CDH18: variants seen among roughly 807,000 people sequenced by gnomAD.
CDH18 encodes the protein cadherin-18.
A neutral mutation model predicts 67.9 loss-of-function variants in CDH18; 31 were observed. The ratio of observed to expected loss-of-function variants is 0.46; its 90% CI spans 0.34 to 0.62. CDH18 has a LOEUF of 0.62. Among genes scored for constraint, CDH18 ranks in the 20% least tolerant of loss-of-function variants. The pLI is 0.01. For missense variants in CDH18, 890 were observed against 975.5 expected (o/e 0.91, Z 1.17); for synonymous variants, 362 against 347.2 (o/e 1.04, Z -0.48).
At chr5:20,256,173 G>T (rs1381430073) in intron 1 of CDH18, among the ~76,000 whole-genome samples, 1 of 151,856 alleles carries the variant, frequency 6.6e-6, no homozygotes, top group Admixed American at 6.6e-5. Flanking sequence ...TATATATGTT[G>T]TATGTATACA....
chr5:19,501,248 A>T (rs963837461), intron 11 of CDH18, among the ~76,000 whole-genome samples: 6 of 145,530 alleles, frequency 4.1e-5, no homozygotes, highest in Non-Finnish European at 3.0e-5. Context: ...TATATATATA[A>T]TTTTAATTTA....
chr5:20,355,461 AC>A (rs1473482153), intron 1 of CDH18, among the ~76,000 whole-genome samples: 1 of 152,160 alleles, frequency 6.6e-6, no homozygotes, highest in Non-Finnish European at 1.5e-5. Flanking sequence ...CAAGTACAAT[AC>A]CCTGCTTGAA....
chr5:19,971,970 G>C (rs1798072885), intron 2 of CDH18, among the ~76,000 whole-genome samples: 1 of 151,976 alleles, frequency 6.6e-6, no homozygotes, highest in Non-Finnish European at 1.5e-5. Context: ...CATATAAAGG[G>C]AAACCTAGTT....
At chr5:19,631,927 G>T (rs1319195711) in intron 5 of CDH18, among the ~76,000 whole-genome samples, 1 of 151,752 alleles carries the variant, frequency 6.6e-6, no homozygotes. Flanking sequence ...ATTTATTTCG[G>T]TCATACAGTA....
intron 5 of CDH18, among the ~76,000 whole-genome samples, chr5:19,657,170 C>T (rs966043219): frequency 1.3e-5 from 2 of 152,050 alleles, no homozygotes; most frequent in Admixed American, 6.6e-5. Context: ...TCATCAATTA[C>T]AGTTTGCTAC....
intron 5 of CDH18, among the ~76,000 whole-genome samples, chr5:19,661,771 C>G (rs1757215211): frequency 6.6e-6 from 1 of 151,990 alleles, no homozygotes. Context: ...TTTCTAAGAG[C>G]CTGACCCATA....
chr5:19,848,612 T>A (rs1300647988), intron 2 of CDH18, among the ~76,000 whole-genome samples: 1 of 151,794 alleles, frequency 6.6e-6, no homozygotes, highest in Non-Finnish European at 1.5e-5. Context: ...GACACTGCAG[T>A]GGGTTGAGAA....
In CDH18 at chr5:20,509,272, C is replaced by T. The variant is rs375221916; in HGVS notation, c.-580+66190G>A. Among the ~76,000 whole-genome samples the T allele has an allele frequency of 4.6e-5, 7 of 152,284 alleles. 1 individual carries two copies. Among genetic ancestry groups the T allele is most frequent in the East Asian group, 3.9e-4 (2 of 5,182 alleles). On this transcript the variant is annotated intron_variant, in intron 1 of 14. Coordinates refer to the CDH18 transcript ENST00000507958. Reference sequence around the variant, plus strand: ...ACCGCACCCTGCCCCATTCTACTCTCTGCTTCTGTGAGATAAACTTTTTTA... The same window carrying T: ...ACCGCACCCTGCCCCATTCTACTCTTTGCTTCTGTGAGATAAACTTTTTTA...
chr5:20,496,558 T>C (rs1215552758), intron 1 of CDH18, among the ~76,000 whole-genome samples: 2 of 152,200 alleles, frequency 1.3e-5, no homozygotes, highest in African/African-American at 2.4e-5. Context: ...ATTCATTTTT[T>C]TGAGATGGAG....
At chr5:20,162,418 T>C (rs1735961211) in intron 2 of CDH18, among the ~76,000 whole-genome samples, 1 of 147,802 alleles carries the variant, frequency 6.8e-6, no homozygotes, top group Admixed American at 6.8e-5. Flanking sequence ...CTATATAATA[T>C]ATATTAGTAT....
At chr5:20,119,778 A>C (rs1748200637) in intron 2 of CDH18, among the ~76,000 whole-genome samples, 1 of 152,108 alleles carries the variant, frequency 6.6e-6, no homozygotes, top group African/African-American at 2.4e-5. Flanking sequence ...AAGAAAATGG[A>C]GTTATTTATT....
At chr5:19,575,664 T>G (rs1243235405) in intron 7 of CDH18, among the ~76,000 whole-genome samples, 1 of 152,214 alleles carries the variant, frequency 6.6e-6, no homozygotes, top group Non-Finnish European at 1.5e-5. Flanking sequence ...TATTATTTTC[T>G]GTTAATCCTA....
intron 7 of CDH18, among the ~76,000 whole-genome samples, chr5:19,580,513 A>G (rs1054072556): frequency 6.6e-6 from 1 of 151,890 alleles, no homozygotes; most frequent in African/African-American, 2.4e-5. Flanking sequence ...TCCATCTCAA[A>G]TACAGCTGTT....
intron 1 of CDH18, among the ~76,000 whole-genome samples, chr5:20,378,902 G>T (rs553097202): frequency 2.0e-5 from 3 of 152,022 alleles, no homozygotes; most frequent in African/African-American, 7.3e-5. Flanking sequence ...AATAAGAAAA[G>T]ATATCTTACC....
At chr5:20,288,444 G>GATATAT (rs10534377) in intron 1 of CDH18, among the ~76,000 whole-genome samples, 9 of 147,960 alleles carry the variant, frequency 6.1e-5, no homozygotes, top group South Asian at 2.1e-4. Context: ...CAAAAAATAC[G>GATATAT]ATATATATAT....
intron 12 of CDH18, 80 bp from the exon 13 acceptor site, chr5:19,473,796 A>T: frequency 8.2e-7 from 1 of 1,214,026 alleles, no homozygotes; most frequent in South Asian, 1.4e-5. Flanking sequence ...GCAATTTCCC[A>T]TTTTCCCATT....
chr5:19,979,248 T>G (rs567949354), intron 2 of CDH18, among the ~76,000 whole-genome samples: 1 of 126,760 alleles, frequency 7.9e-6, no homozygotes, highest in Non-Finnish European at 1.6e-5. Flanking sequence ...GTGTGTGTGT[T>G]GAAGCAGAGT....
intron 1 of CDH18, among the ~76,000 whole-genome samples, chr5:20,460,529 G>C (rs889164078): frequency 6.6e-6 from 1 of 152,046 alleles, no homozygotes; most frequent in African/African-American, 2.4e-5. Flanking sequence ...TGGCATTTTG[G>C]TTGTGCACAC....
chr5:19,915,578 G>A (rs1423146880), intron 2 of CDH18, among the ~76,000 whole-genome samples: 3 of 151,948 alleles, frequency 2.0e-5, no homozygotes, highest in African/African-American at 7.3e-5. Context: ...TTTCTATACT[G>A]TATTCATACA....
Sources: allele counts gnomAD v4.1 joint callset (sites outside exome capture counted in the v4.1 genomes callset), GRCh38; gene constraint gnomAD v4.1.1; transcripts MANE v1.5; gene names NCBI Gene and HGNC (gene_info 2026-07-23, HGNC 2026-07-21).